ROBO1: variants seen among roughly 807,000 people sequenced by gnomAD.
The protein encoded by ROBO1 is roundabout guidance receptor 1.
A neutral mutation model predicts 195.9 loss-of-function variants in ROBO1; 149 were observed. The observed-to-expected ratio is 0.76, with a 90% CI of 0.67 to 0.87. The LOEUF is 0.87. Among genes scored for constraint, ROBO1 ranks in the 40% least tolerant of loss-of-function variants. The pLI, the probability that ROBO1 is intolerant of heterozygous loss-of-function variation, is 0.00. For synonymous variants in ROBO1, 816 were observed against 733.2 expected, an observed-to-expected ratio of 1.11 and a Z score of -1.82; for missense variants, 1,933 against 2,068.3, an observed-to-expected ratio of 0.93 and a Z score of 1.27.
At chr3:79,229,693 T>C (rs1235346647) in intron 2 of ROBO1, among the ~76,000 whole-genome samples, 2 of 152,164 alleles carry the variant, frequency 1.3e-5, no homozygotes, top group Non-Finnish European at 2.9e-5. Flanking sequence ...TGCTGGGATT[T>C]ACAGGCATGA....
At chr3:79,610,616 G>A (rs1441773389) in intron 1 of ROBO1, among the ~76,000 whole-genome samples, 1 of 151,968 alleles carries the variant, frequency 6.6e-6, no homozygotes, top group Non-Finnish European at 1.5e-5. Context: ...CATGTTAATT[G>A]TTTAGTTAAC....
chr3:78,840,963 G>C (rs1258337422), intron 4 of ROBO1, among the ~76,000 whole-genome samples: 1 of 151,706 alleles, frequency 6.6e-6, no homozygotes, highest in Non-Finnish European at 1.5e-5. Flanking sequence ...TTGGGAGGCT[G>C]AGGCAGGAGA....
Position 78,635,870 on chromosome 3 carries a change from C to G in ROBO1, c.3276G>C (p.Gly1092=). Residue 1092 remains glycine, a synonymous_variant, in exon 23 of 31, where the codon GGG becomes GGC. Coordinates refer to ENST00000464233, the MANE Select transcript of ROBO1 (RefSeq NM_002941.4). ...GTTTCCAGTGCTTCTCGCCAGAGTC[C>G]CCGCTGCCATTGTTCATGTTGTTGC... is the stretch of plus-strand genomic sequence containing the variant. ...NLSNNMNNGS[G]DSGEKHWKPL... 1 of 1,613,836 alleles carries G rather than the reference C, an allele frequency of 6.2e-7. No homozygotes were observed. The highest frequency in any genetic ancestry group is 8.5e-7 in the Non-Finnish European group (1 of 1,179,828).
intron 4 of ROBO1, among the ~76,000 whole-genome samples, chr3:78,756,565 T>C (rs1225180554): frequency 6.6e-6 from 1 of 152,180 alleles, no homozygotes; most frequent in Non-Finnish European, 1.5e-5. Flanking sequence ...TATTTGGTGA[T>C]GGTAGCTAGT....
intron 2 of ROBO1, among the ~76,000 whole-genome samples, chr3:79,319,652 G>A (rs1042438986): frequency 6.6e-6 from 1 of 151,926 alleles, no homozygotes; most frequent in African/African-American, 2.4e-5. Flanking sequence ...CCATGGAAGT[G>A]GTGTTTTTTC....
At chr3:78,962,871 CT>C (rs1335398124) in intron 3 of ROBO1, among the ~76,000 whole-genome samples, 1 of 149,426 alleles carries the variant, frequency 6.7e-6, no homozygotes, top group Non-Finnish European at 1.5e-5. Context: ...TACTGTTCTC[CT>C]GATGCTGGAC....
At chr3:78,607,238 G>A in intron 28 of ROBO1, 197 bp from the exon 29 acceptor site, 1 of 578,528 alleles carries the variant, frequency 1.7e-6, no homozygotes, top group Non-Finnish European at 3.0e-6. Flanking sequence ...TCTGAGACAG[G>A]GTCTTACTCT....
chr3:79,060,203 C>T (rs191281074), intron 3 of ROBO1, among the ~76,000 whole-genome samples: 52 of 152,130 alleles, frequency 3.4e-4, no homozygotes, highest in African/African-American at 1.2e-3. Context: ...TGGTTGTCTG[C>T]TCTTGAACCC....
intron 2 of ROBO1, among the ~76,000 whole-genome samples, chr3:79,279,355 G>T (rs1316475708): frequency 5.9e-5 from 9 of 151,984 alleles, no homozygotes; most frequent in Non-Finnish European, 8.8e-5. Context: ...CTTGATAGAA[G>T]GCATACAAAT....
intron 5 of ROBO1, among the ~76,000 whole-genome samples, chr3:78,741,735 ATGAT>A (rs2082538697): frequency 6.6e-6 from 1 of 152,188 alleles, no homozygotes; most frequent in Admixed American, 6.5e-5. Flanking sequence ...AATGATGGAT[ATGAT>A]TAAGTCTCAA....
intron 2 of ROBO1, among the ~76,000 whole-genome samples, chr3:79,381,092 C>G (rs1005794160): frequency 3.9e-5 from 6 of 152,134 alleles, no homozygotes; most frequent in African/African-American, 1.2e-4. Flanking sequence ...GGCGCGGTGG[C>G]TCACGCCCGT....
At chr3:78,599,166 CAG>C (rs1703017260) in intron 30 of ROBO1, among the ~76,000 whole-genome samples, 1 of 152,094 alleles carries the variant, frequency 6.6e-6, no homozygotes, top group Admixed American at 6.6e-5. Context: ...TGGTGGGACA[CAG>C]GGCTCTGAGA....
intron 2 of ROBO1, among the ~76,000 whole-genome samples, chr3:79,403,528 A>T (rs2106798751): frequency 6.6e-6 from 1 of 152,154 alleles, no homozygotes; most frequent in South Asian, 2.1e-4. Flanking sequence ...GGCAAATAAT[A>T]GGTAGTTTCT....
intron 18 of ROBO1, among the ~76,000 whole-genome samples, chr3:78,656,345 ATTTTTTTTTTTTT>A (rs5850382): frequency 1.1e-5 from 1 of 88,640 alleles, no homozygotes; most frequent in African/African-American, 4.2e-5. Context: ...TGCTTATTTG[ATTTTTTTTTTTTT>A]TTTTTTTTTT....
At chr3:78,754,424 T>A (rs780511412) in intron 4 of ROBO1, among the ~76,000 whole-genome samples, 1 of 152,212 alleles carries the variant, frequency 6.6e-6, no homozygotes, top group African/African-American at 2.4e-5. Context: ...CTTTCTTTTG[T>A]AAAATCCAAC....
At chr3:78,665,414 G>C (rs1387646709) in intron 14 of ROBO1, among the ~76,000 whole-genome samples, 1 of 152,054 alleles carries the variant, frequency 6.6e-6, no homozygotes, top group East Asian at 1.9e-4. Context: ...TCCTTTTACA[G>C]CTAATTTTTT....
intron 1 of ROBO1, among the ~76,000 whole-genome samples, chr3:79,741,208 G>C (rs1414759525): frequency 6.6e-6 from 1 of 152,214 alleles, no homozygotes; most frequent in Non-Finnish European, 1.5e-5. Flanking sequence ...AACCATATCA[G>C]CCTAGTCAAT....
chr3:78,627,568 AGCT>A lies in ROBO1; in HGVS notation c.3627-2_3627del, dbSNP rs766783912. On this transcript the variant is annotated splice_acceptor_variant and coding_sequence_variant, in exon 26 of 31. Coordinates refer to ENST00000464233, the MANE Select transcript of ROBO1 (RefSeq NM_002941.4). LOFTEE classifies it high-confidence loss of function. ...ACGGGACATGGCATTTCTTGGTCAT[AGCT>A]AAAATAAATGATAAGGATGTGTAGA... is the stretch of plus-strand genomic sequence containing the variant. 1 of 1,608,474 alleles carries A rather than the reference AGCT, an allele frequency of 6.2e-7. No homozygotes were observed. The highest frequency in any genetic ancestry group is 1.3e-5 in the African/African-American group (1 of 74,834).
chr3:79,049,964 C>T (rs995903567), intron 3 of ROBO1, among the ~76,000 whole-genome samples: 14 of 152,184 alleles, frequency 9.2e-5, no homozygotes, highest in Admixed American at 2.6e-4. Context: ...AGACCATTGA[C>T]GCTATGAATA....
Sources: allele counts gnomAD v4.1 joint callset (sites outside exome capture counted in the v4.1 genomes callset), GRCh38; gene constraint gnomAD v4.1.1; transcripts MANE v1.5; gene names NCBI Gene and HGNC (gene_info 2026-07-23, HGNC 2026-07-21).